RGS17: variants seen among roughly 807,000 people sequenced by gnomAD.
RGS17 encodes regulator of G-protein signaling 17.
RGS17 carries 12 observed loss-of-function variants against 25.5 expected under a neutral mutation model. The observed-to-expected ratio is 0.47, with a 90% CI of 0.30 to 0.76. RGS17 has a LOEUF of 0.76. Ranked by LOEUF, RGS17 falls within the 30% of genes least tolerant of loss-of-function variation. RGS17 has a pLI of 0.07. For missense variants in RGS17, 196 were observed against 242.2 expected (o/e 0.81, Z 1.27); for synonymous variants, 71 against 76.9 (o/e 0.92, Z 0.40).
intron 4 of RGS17, among the ~76,000 whole-genome samples, chr6:153,018,391 C>T (rs914686053): frequency 2.6e-5 from 4 of 152,176 alleles, no homozygotes; most frequent in African/African-American, 4.8e-5. Context: ...ATTCATTTCA[C>T]CTCTTTGAGT....
rs1400809014 is a variant in RGS17, at chr6:153,054,086, T to G, written c.-25-10043A>C. On this transcript the variant is annotated intron_variant, in intron 1 of 4. Coordinates refer to ENST00000206262, the MANE Select transcript of RGS17 (RefSeq NM_012419.5). ...TATATACATATATATATACACACAA[T>G]ATTTTTTATATATATATATATATAT... Among the ~76,000 whole-genome samples, 5 of 13,924 alleles carry G rather than the reference T, an allele frequency of 3.6e-4. 1 individual carries two copies. The highest frequency in any genetic ancestry group is 6.0e-4 in the Non-Finnish European group (5 of 8,368). 9.1% of individuals were successfully genotyped at this position (13,924 alleles called of 152,430 possible).
At chr6:153,101,154 T>G (rs1208184601) in intron 1 of RGS17, among the ~76,000 whole-genome samples, 1 of 152,216 alleles carries the variant, frequency 6.6e-6, no homozygotes, top group African/African-American at 2.4e-5. Context: ...GAATAAAAAT[T>G]TGAACCTAGT....
At chr6:153,031,444 A>G (rs1779362518) in intron 2 of RGS17, among the ~76,000 whole-genome samples, 1 of 152,194 alleles carries the variant, frequency 6.6e-6, no homozygotes, top group Non-Finnish European at 1.5e-5. Context: ...ATTACACAAC[A>G]CTTCCTCATC....
intron 1 of RGS17, among the ~76,000 whole-genome samples, chr6:153,112,714 T>C (rs1481759882): frequency 1.3e-5 from 2 of 152,180 alleles, no homozygotes; most frequent in Non-Finnish European, 2.9e-5. Context: ...ATCAGACTAA[T>C]AGCAGATGTC....
rs1779115215 is a variant in RGS17, at chr6:153,010,108, G to A, written c.*1466C>T. 1.3e-5 allele frequency: 2 copies of A among 151,870 alleles called. No homozygotes were observed. The highest frequency in any genetic ancestry group is 4.1e-4 in the South Asian group (2 of 4,820). The allele number at this position is 151,870 out of a possible 1,614,324, so 9.4% of individuals were successfully genotyped here. On this transcript the variant is annotated 3_prime_UTR_variant, in exon 5 of 5. Transcript: ENST00000206262. Reference sequence around the variant, plus strand: ...CCTTAATATAAGGCCAGTGTTCTCAGTGGATATAAATCTTTTTAAAACTTT... The same window carrying A: ...CCTTAATATAAGGCCAGTGTTCTCAATGGATATAAATCTTTTTAAAACTTT...
chr6:153,016,146 G>T (rs1455810101), intron 4 of RGS17, among the ~76,000 whole-genome samples: 1 of 152,096 alleles, frequency 6.6e-6, no homozygotes, highest in Non-Finnish European at 1.5e-5. Flanking sequence ...GAAATGAATT[G>T]TTCAGTTTTT....
intron 1 of RGS17, among the ~76,000 whole-genome samples, chr6:153,122,897 A>G (rs1230204438): frequency 9.7e-6 from 1 of 102,872 alleles, no homozygotes; most frequent in Non-Finnish European, 2.0e-5. Flanking sequence ...TAGGTAGGGA[A>G]AATGTTAGTA....
intron 1 of RGS17, among the ~76,000 whole-genome samples, chr6:153,123,173 A>C (rs1208462813): frequency 7.0e-6 from 1 of 142,068 alleles, no homozygotes; most frequent in Non-Finnish European, 1.5e-5. Context: ...AAAAGACACT[A>C]GTTTTCCTTT....
chr6:153,055,099 T>G (rs1045520232), intron 1 of RGS17, among the ~76,000 whole-genome samples: 23 of 152,264 alleles, frequency 1.5e-4, no homozygotes, highest in African/African-American at 5.3e-4. Flanking sequence ...CCTAGGAAGG[T>G]CCTTCCCAAA....
At chr6:153,091,050 T>C (rs778195255) in intron 1 of RGS17, among the ~76,000 whole-genome samples, 5 of 152,200 alleles carry the variant, frequency 3.3e-5, no homozygotes, top group Non-Finnish European at 1.5e-5. Flanking sequence ...AAAATATTCA[T>C]AAATACCAAG....
intron 1 of RGS17, among the ~76,000 whole-genome samples, chr6:153,103,503 T>C (rs1777335986): frequency 6.6e-6 from 1 of 152,100 alleles, no homozygotes; most frequent in South Asian, 2.1e-4. Flanking sequence ...CTAGCAACCA[T>C]ATTATGTTAA....
chr6:153,125,775 G>T (rs1777696469), intron 1 of RGS17, among the ~76,000 whole-genome samples: 1 of 152,116 alleles, frequency 6.6e-6, no homozygotes, highest in Non-Finnish European at 1.5e-5. Context: ...GCCCAGGGAG[G>T]TTGAGGCTAC....
intron 1 of RGS17, among the ~76,000 whole-genome samples, chr6:153,117,031 A>G (rs751905373): frequency 2.6e-5 from 4 of 152,140 alleles, no homozygotes; most frequent in Non-Finnish European, 5.9e-5. Flanking sequence ...TATGTAACAA[A>G]CCTGCATGTT....
intron 1 of RGS17, among the ~76,000 whole-genome samples, chr6:153,054,366 C>A (rs1046577921): frequency 1.3e-5 from 2 of 151,074 alleles, no homozygotes; most frequent in African/African-American, 4.9e-5. Flanking sequence ...TTTGCAAGAC[C>A]GAGGCAGGGC....
intron 1 of RGS17, among the ~76,000 whole-genome samples, chr6:153,109,802 AACCTTTTG>A (rs1197072932): frequency 6.6e-6 from 1 of 152,228 alleles, no homozygotes; most frequent in Non-Finnish European, 1.5e-5. Flanking sequence ...ATGAGTCTAA[AACCTTTTG>A]CTTGTCCGGA....
At chr6:153,042,788 T>C (rs1431585871) in intron 2 of RGS17, among the ~76,000 whole-genome samples, 2 of 152,224 alleles carry the variant, frequency 1.3e-5, no homozygotes, top group Admixed American at 6.5e-5. Context: ...ACCACTCTAG[T>C]ACAGCCCTCT....
chr6:153,127,447 ATACAT>A (rs1311174216), intron 1 of RGS17, among the ~76,000 whole-genome samples: 1 of 152,242 alleles, frequency 6.6e-6, no homozygotes, highest in Admixed American at 6.5e-5. Context: ...AGTACTTTAT[ATACAT>A]TGCATTGTAT....
At chr6:153,049,036 C>A (rs1776425458) in intron 1 of RGS17, among the ~76,000 whole-genome samples, 1 of 151,964 alleles carries the variant, frequency 6.6e-6, no homozygotes, top group Non-Finnish European at 1.5e-5. Flanking sequence ...AGTCTATATA[C>A]CCAACATTCA....
intron 1 of RGS17, among the ~76,000 whole-genome samples, chr6:153,095,139 G>A (rs1376538840): frequency 6.6e-6 from 1 of 151,984 alleles, no homozygotes; most frequent in Non-Finnish European, 1.5e-5. Context: ...AATTTAAGTG[G>A]CTCATTTTTT....
Sources: gnomAD v4.1 joint callset for allele counts (sites outside exome capture counted in the v4.1 genomes callset) on GRCh38, gnomAD v4.1.1 for gene constraint, MANE v1.5 for transcripts, NCBI Gene and HGNC (gene_info 2026-07-23, HGNC 2026-07-21) for gene names.